CSMD1: variants seen among roughly 807,000 people sequenced by gnomAD.
The protein encoded by CSMD1 is CUB and Sushi multiple domains 1.
Under a neutral mutation model 417.5 loss-of-function variants are expected in CSMD1, and 213 were observed. That is an observed-to-expected ratio of 0.51 (90% confidence interval 0.46 to 0.57). CSMD1 has a LOEUF of 0.57. CSMD1 is among the 20% of genes least tolerant of loss of function. The probability of loss-of-function intolerance (pLI) is 0.00; values close to 1 mark genes in which losing one functional copy is unlikely to be tolerated. For missense variants in CSMD1, 6,923 were observed against 4,529.7 expected (o/e 1.53, Z -15.17); for synonymous variants, 2,862 against 1,736.8 (o/e 1.65, Z -16.11).
chr8:3,379,339 T>A (rs1810495338), intron 18 of CSMD1, among the ~76,000 whole-genome samples: 1 of 152,206 alleles, frequency 6.6e-6, no homozygotes, highest in African/African-American at 2.4e-5. Flanking sequence ...AATTTATAGA[T>A]TTATTGCTAT....
chr8:3,257,543 G>A (rs1800747710), intron 26 of CSMD1, among the ~76,000 whole-genome samples: 2 of 152,228 alleles, frequency 1.3e-5, no homozygotes, highest in Non-Finnish European at 2.9e-5. Flanking sequence ...GGCACTGAGA[G>A]TGCTGGGGGG....
chr8:3,252,519 TTC>T (rs1800345227), intron 26 of CSMD1, among the ~76,000 whole-genome samples: 2 of 152,218 alleles, frequency 1.3e-5, no homozygotes, highest in Admixed American at 6.5e-5. Flanking sequence ...TGGTCTAAAA[TTC>T]TCTTTTTTTG....
intron 3 of CSMD1, among the ~76,000 whole-genome samples, chr8:4,226,763 T>C (rs139818304): frequency 0.023 from 3,500 of 152,258 alleles, 72 homozygotes; most frequent in South Asian, 0.087. Flanking sequence ...AGCTTTAAAT[T>C]GAATTTAAGA....
intron 5 of CSMD1, among the ~76,000 whole-genome samples, chr8:3,908,012 C>T (rs1240408894): frequency 6.6e-6 from 1 of 152,136 alleles, no homozygotes; most frequent in South Asian, 2.1e-4. Context: ...ACAGTTTCCT[C>T]TTTCTACCAG....
At chr8:4,338,576 C>A (rs1350896896) in intron 3 of CSMD1, among the ~76,000 whole-genome samples, 2 of 152,022 alleles carry the variant, frequency 1.3e-5, no homozygotes, top group Non-Finnish European at 2.9e-5. Context: ...TTTGATAACA[C>A]CTCTGACATA....
chr8:4,167,182 A>AT (rs1797503861), intron 3 of CSMD1, among the ~76,000 whole-genome samples: 1 of 152,142 alleles, frequency 6.6e-6, no homozygotes, highest in African/African-American at 2.4e-5. Context: ...AAACCAGATA[A>AT]TTTTTTCCAG....
rs1196448100 is a variant in CSMD1, at chr8:4,141,257, C to A, written c.416-109158G>T. Among the ~76,000 whole-genome samples, 6 of 151,112 alleles carry A rather than the reference C, an allele frequency of 4.0e-5. 1 individual carries two copies. The highest frequency in any genetic ancestry group is 1.5e-4 in the African/African-American group (6 of 40,424). ...AAGATACTGAAGAATAAGCTTGATG[C>A]TGAAATTCCAGCGACCTTCAGGTAG... On this transcript the variant is annotated intron_variant, in intron 3 of 69. Transcript: ENST00000635120.
rs1810195945 is a variant in CSMD1 at position 4,735,783 on chromosome 8, T to G, written c.86-98225A>C. 3.9e-5 allele frequency among the ~76,000 whole-genome samples: 6 copies of G among 152,250 alleles called. No individual in the cohort carries two copies. The South Asian group carries it at 1.2e-3, about 32-fold the overall frequency. ...TAGTTGTCAGCCGAGGATTTGAATTTTAGAGGAATTTTTCCAAGGCTGCCT... is the reference window on the plus strand; with the variant it reads ...TAGTTGTCAGCCGAGGATTTGAATTGTAGAGGAATTTTTCCAAGGCTGCCT... On this transcript the variant is annotated intron_variant, in intron 1 of 69. Transcript: ENST00000635120.
intron 1 of CSMD1, among the ~76,000 whole-genome samples, chr8:4,748,068 C>G (rs12156032): frequency 6.6e-6 from 1 of 151,972 alleles, no homozygotes; most frequent in Non-Finnish European, 1.5e-5. Context: ...TCAGCTGTGC[C>G]CCCACCCTCT....
intron 9 of CSMD1, among the ~76,000 whole-genome samples, chr8:3,578,899 G>C (rs371106568): frequency 3.3e-5 from 5 of 152,182 alleles, no homozygotes; most frequent in African/African-American, 1.2e-4. Context: ...TTTAAAACAA[G>C]ATCTCTCTCC....
In CSMD1 at chr8:4,116,538, G is replaced by C. The variant is rs1164781278; in HGVS notation, c.416-84439C>G. Reference sequence around the variant, plus strand: ...ATGTATGAGTGCAGGTACCTGGATGGAACAAACGCGCCATGAATGAACCCT... The same window carrying C: ...ATGTATGAGTGCAGGTACCTGGATGCAACAAACGCGCCATGAATGAACCCT... On this transcript the variant is annotated intron_variant, in intron 3 of 69. Coordinates refer to ENST00000635120, the MANE Select transcript of CSMD1 (RefSeq NM_033225.6). Among the ~76,000 whole-genome samples the C allele has an allele frequency of 8.2e-5, 6 of 73,118 alleles. 1 individual carries two copies. Among genetic ancestry groups the C allele is most frequent in the African/African-American group, 3.5e-4 (6 of 16,962 alleles). 48.0% of individuals were successfully genotyped at this position (73,118 alleles called of 152,430 possible). A position where few individuals can be genotyped will look rare whatever the true frequency, so the allele number is the denominator to read the frequency against.
chr8:3,691,353 CA>C (rs1224545633), intron 7 of CSMD1, among the ~76,000 whole-genome samples: 2 of 149,326 alleles, frequency 1.3e-5, no homozygotes, highest in Non-Finnish European at 3.0e-5. Context: ...GGTGACAGAG[CA>C]AGACTCTGTC....
chr8:4,638,471 G>A (rs1003741956), intron 1 of CSMD1, among the ~76,000 whole-genome samples: 5 of 152,140 alleles, frequency 3.3e-5, no homozygotes, highest in Admixed American at 1.3e-4. Flanking sequence ...GTTAAATGAC[G>A]CTAAAATGAA....
intron 3 of CSMD1, among the ~76,000 whole-genome samples, chr8:4,410,636 T>C (rs1187926209): frequency 1.3e-5 from 2 of 152,194 alleles, no homozygotes; most frequent in Admixed American, 6.5e-5. Flanking sequence ...GTAATGTATA[T>C]GCATGTAAAC....
At chr8:3,059,137 C>T (rs1812421399) in intron 49 of CSMD1, among the ~76,000 whole-genome samples, 1 of 151,644 alleles carries the variant, frequency 6.6e-6, no homozygotes, top group East Asian at 1.9e-4. Context: ...TGAAGGTCTC[C>T]CCATCCCATC....
chr8:3,224,361 C>T (rs191596824), intron 27 of CSMD1, among the ~76,000 whole-genome samples: 198 of 152,270 alleles, frequency 1.3e-3, no homozygotes, highest in African/African-American at 4.6e-3. Flanking sequence ...TCATCTAGCT[C>T]CTGTTCATTG....
chr8:4,735,753 C>G lies in CSMD1; in HGVS notation c.86-98195G>C, dbSNP rs147953376. ...CTAATAAGAGAAAAGGACTGTTAGT[C>G]TTCCTAGTTGTCAGCCGAGGATTTG... On this transcript the variant is annotated intron_variant, in intron 1 of 69. Coordinates refer to ENST00000635120, the MANE Select transcript of CSMD1 (RefSeq NM_033225.6). Among the ~76,000 whole-genome samples, 404 of 152,248 alleles carry G rather than the reference C, an allele frequency of 2.7e-3. 1 individual carries two copies. Among genetic ancestry groups the G allele is most frequent in the Admixed American group, 5.6e-3 (85 of 15,278 alleles).
chr8:3,770,895 C>A (rs549722075), intron 5 of CSMD1, among the ~76,000 whole-genome samples: 1 of 152,234 alleles, frequency 6.6e-6, no homozygotes, highest in Admixed American at 6.5e-5. Context: ...TAGCATTTTG[C>A]AGGATTAAAT....
intron 2 of CSMD1, among the ~76,000 whole-genome samples, chr8:4,429,904 C>T (rs1797776172): frequency 6.6e-6 from 1 of 152,002 alleles, no homozygotes; most frequent in Non-Finnish European, 1.5e-5. Flanking sequence ...TTGGCCAAGA[C>T]TTGGGGATTC....
Sources: gnomAD v4.1 joint callset for allele counts (sites outside exome capture counted in the v4.1 genomes callset) on GRCh38, gnomAD v4.1.1 for gene constraint, MANE v1.5 for transcripts, NCBI Gene and HGNC (gene_info 2026-07-23, HGNC 2026-07-21) for gene names.